The following COL4A5 variants were observed in gnomAD, a reference collection of about 807,000 sequenced individuals.
The protein encoded by COL4A5 is collagen type IV alpha 5 chain.
Under a neutral mutation model 130.2 loss-of-function variants are expected in COL4A5, and 26 were observed. The observed-to-expected ratio is 0.20, with a 90% CI of 0.15 to 0.28. The LOEUF (loss-of-function observed/expected upper bound fraction) is 0.28. Ranked by LOEUF, COL4A5 falls within the 10% of genes least tolerant of loss-of-function variation. The probability of loss-of-function intolerance (pLI) is 1.00; values close to 1 mark genes in which losing one functional copy is unlikely to be tolerated. For synonymous variants in COL4A5, 496 were observed against 439.6 expected, an observed-to-expected ratio of 1.13 and a Z score of -1.60; for missense variants, 1,131 against 1,344.3, an observed-to-expected ratio of 0.84 and a Z score of 2.48.
At chrX:108,652,430 T>G (rs2067749784) in intron 36 of COL4A5, among the ~76,000 whole-genome samples, 1 of 112,817 alleles carries the variant, frequency 8.9e-6, no homozygotes, top group Non-Finnish European at 1.9e-5. Context: ...TCTTGTAATA[T>G]TCTTCTTGCA....
chrX:108,515,371 A>G (rs2065211595), intron 1 of COL4A5, among the ~76,000 whole-genome samples: 1 of 112,029 alleles, frequency 8.9e-6, no homozygotes, highest in Admixed American at 9.5e-5. Flanking sequence ...TGTCAACAAG[A>G]GGCGAAGCAG....
rs754130339 is a variant in COL4A5, at chrX:108,596,979, T to TTG, written c.1517-5_1517-4dup. 2.2e-4 allele frequency: 249 copies of TTG among 1,133,474 alleles called. No homozygotes were observed. Among genetic ancestry groups the TTG allele is most frequent in the Non-Finnish European group, 2.7e-4 (227 of 842,625 alleles). The allele number at this position is 1,133,474 out of a possible 1,213,427, so 93.4% of individuals were successfully genotyped here. On this transcript the variant is annotated intron_variant, in intron 22 of 52. Transcript: ENST00000328300. ...CGTTATTGTGTGTGTGTGTGTTTGT[T>TTG]TGTGTGTGTGTGTGTTAGGATCTCT... is the stretch of plus-strand genomic sequence containing the variant.
intron 9 of COL4A5, among the ~76,000 whole-genome samples, chrX:108,575,705 C>T (rs1171030175): frequency 2.7e-5 from 3 of 111,757 alleles, no homozygotes; most frequent in African/African-American, 9.8e-5. Flanking sequence ...GACCTGGTGG[C>T]AGGTGCCTGT....
At position 108,591,573 on chromosome X, in the gene COL4A5, G is replaced by A; in HGVS notation, c.1352G>A (p.Cys451Tyr). The change falls in exon 21 of 53, where the codon TGT (cysteine) becomes TAT (tyrosine). Residue 451 changes from cysteine to tyrosine, a missense_variant. Transcript: ENST00000328300. ...TTATCTTACTCAGGTGATGAGATAT[G>A]TGAACCAGGCCCTCCAGGCCCCCCA... The part of the protein sequence containing the change: ...GPHIPPSDEI[C>Y]EPGPPGPPGS... 8.3e-7 allele frequency: 1 copy of A among 1,202,881 alleles called. No homozygotes were observed. The highest frequency in any genetic ancestry group is 1.1e-6 in the Non-Finnish European group (1 of 887,576).
intron 33 of COL4A5, 35 bp from the exon 34 acceptor site, chrX:108,624,198 TATC>T (rs750974523): frequency 1.2e-5 from 13 of 1,067,992 alleles, no homozygotes; most frequent in Middle Eastern, 2.6e-4. Flanking sequence ...GGATGAATAA[TATC>T]ATCCTAACTT....
Position 108,620,255 on chromosome X carries a change from C to G in COL4A5, c.2510-4C>G. The G allele has an allele frequency of 1.7e-6, 2 of 1,196,250 alleles. No individual in the cohort carries two copies. The highest frequency in any genetic ancestry group is 2.3e-6 in the Non-Finnish European group (2 of 882,412). The stretch of plus-strand genomic sequence containing the variant: ...CTTATTAATATTGATATTGTATTAA[C>G]TAGGTTTACATGGAATACCAGGAGA... On this transcript the variant is annotated splice_polypyrimidine_tract_variant and splice_region_variant and intron_variant, in intron 30 of 52. Transcript: ENST00000328300.
intron 1 of COL4A5, among the ~76,000 whole-genome samples, chrX:108,507,262 G>GA (rs765631228): frequency 1.0e-3 from 74 of 71,675 alleles, no homozygotes; most frequent in South Asian, 1.4e-3. Flanking sequence ...AAAAAAAAAA[G>GA]AAAAAAAAAA....
intron 36 of COL4A5, among the ~76,000 whole-genome samples, chrX:108,650,740 G>A (rs891817685): frequency 9.1e-6 from 1 of 110,465 alleles, no homozygotes; most frequent in Non-Finnish European, 1.9e-5. Context: ...GGACGCAAAG[G>A]CATAAGAATG....
intron 40 of COL4A5, among the ~76,000 whole-genome samples, chrX:108,667,466 G>C (rs1488308164): frequency 9.0e-6 from 1 of 110,942 alleles, no homozygotes; most frequent in Non-Finnish European, 1.9e-5. Flanking sequence ...ATTGCAGGAA[G>C]ATAAGAAAAG....
At chrX:108,621,179 G>A (rs1288725897) in intron 31 of COL4A5, among the ~76,000 whole-genome samples, 2 of 89,628 alleles carry the variant, frequency 2.2e-5, no homozygotes, top group South Asian at 5.9e-4. Flanking sequence ...TTGAGACAGG[G>A]TCTCACTCTG....
intron 10 of COL4A5, among the ~76,000 whole-genome samples, chrX:108,577,421 A>G (rs1254761192): frequency 9.2e-6 from 1 of 108,661 alleles, no homozygotes; most frequent in Non-Finnish European, 1.9e-5. Flanking sequence ...AATGCCACCA[A>G]GATACAATAT....
intron 3 of COL4A5, among the ~76,000 whole-genome samples, chrX:108,563,100 T>C (rs768412178): frequency 1.4e-4 from 16 of 111,865 alleles, no homozygotes; most frequent in Non-Finnish European, 2.8e-4. Flanking sequence ...AACTTAGCAT[T>C]GTATGTATAA....
chrX:108,515,498 C>T, intron 1 of COL4A5, among the ~76,000 whole-genome samples: 2 of 111,689 alleles, frequency 1.8e-5, no homozygotes, highest in Middle Eastern at 9.3e-3. Context: ...CTCCATCTTC[C>T]AGACCTGTTT....
intron 1 of COL4A5, among the ~76,000 whole-genome samples, chrX:108,513,979 A>G (rs1046994867): frequency 9.8e-5 from 11 of 112,131 alleles, no homozygotes; most frequent in African/African-American, 3.6e-4. Flanking sequence ...CAATAGGGAT[A>G]TCCAGTATTC....
At chrX:108,625,493 G>A (rs954608669) in intron 34 of COL4A5, among the ~76,000 whole-genome samples, 1 of 111,680 alleles carries the variant, frequency 9.0e-6, no homozygotes, top group Non-Finnish European at 1.9e-5. Flanking sequence ...TTTTTTTAAA[G>A]TTATATTAGG....
At chrX:108,457,480 TA>T (rs2064595550) in intron 1 of COL4A5, among the ~76,000 whole-genome samples, 1 of 112,090 alleles carries the variant, frequency 8.9e-6, no homozygotes, top group South Asian at 3.7e-4. Flanking sequence ...AGCAAGTAAT[TA>T]AAAATAAAAT....
chrX:108,460,079 G>A (rs146706167), intron 1 of COL4A5, among the ~76,000 whole-genome samples: 113 of 111,639 alleles, frequency 1.0e-3, no homozygotes, highest in African/African-American at 3.4e-3. Context: ...CCTGTAGGAC[G>A]TGGCCTTACA....
intron 1 of COL4A5, among the ~76,000 whole-genome samples, chrX:108,471,004 G>A (rs78902351): frequency 0.1 from 11,598 of 111,102 alleles, 1,302 homozygotes; most frequent in African/African-American, 0.34. Context: ...ATTAATCTAT[G>A]TGTCTGTTTT....
intron 13 of COL4A5, among the ~76,000 whole-genome samples, chrX:108,579,757 A>G (rs2066211034): frequency 8.9e-6 from 1 of 112,232 alleles, no homozygotes; most frequent in African/African-American, 3.2e-5. Context: ...TCTATCATCA[A>G]TATGAATTTG....
Sources: allele counts gnomAD v4.1 joint callset (sites outside exome capture counted in the v4.1 genomes callset), GRCh38; gene constraint gnomAD v4.1.1; transcripts MANE v1.5; gene names NCBI Gene and HGNC (gene_info 2026-07-23, HGNC 2026-07-21).